The following TMEM131 variants were observed in gnomAD, a reference collection of about 807,000 sequenced individuals.
The protein encoded by TMEM131 is transmembrane protein 131.
Under a neutral mutation model 211.6 loss-of-function variants are expected in TMEM131, and 66 were observed. The observed-to-expected ratio is 0.31, with a 90% CI of 0.26 to 0.38. TMEM131 has a LOEUF of 0.38. Ranked by LOEUF, TMEM131 falls within the 10% of genes least tolerant of loss-of-function variation. The pLI is 1.00. For synonymous variants in TMEM131, 844 were observed against 841.3 expected, an observed-to-expected ratio of 1.00 and a Z score of -0.06; for missense variants, 2,036 against 2,299.3, an observed-to-expected ratio of 0.89 and a Z score of 2.34.
At position 97,815,959 on chromosome 2, in the gene TMEM131, G is replaced by A. The variant is rs146117335; in HGVS notation, c.1184-652C>T. ...AAAACCAGCCAACCCTAAAACTCAT[G>A]GTATAAGAGGAGATAAATCCCCTCC... On this transcript the variant is annotated intron_variant, in intron 12 of 40. Coordinates refer to ENST00000186436, the MANE Select transcript of TMEM131 (RefSeq NM_015348.2). Among the ~76,000 whole-genome samples the A allele has an allele frequency of 6.9e-3, 1,055 of 152,246 alleles. 51 individuals are homozygous for A. The highest frequency in any genetic ancestry group is 0.061 in the Admixed American group (932 of 15,290).
At chr2:97,840,577 G>C (rs1231014244) in intron 7 of TMEM131, among the ~76,000 whole-genome samples, 1 of 152,230 alleles carries the variant, frequency 6.6e-6, no homozygotes, top group Non-Finnish European at 1.5e-5. Context: ...GTGACAGAGT[G>C]AGACCCTGTC....
At chr2:97,836,414 T>C (rs1466682839) in intron 8 of TMEM131, among the ~76,000 whole-genome samples, 1 of 152,208 alleles carries the variant, frequency 6.6e-6, no homozygotes, top group Non-Finnish European at 1.5e-5. Flanking sequence ...GAGCTGGATA[T>C]GGAACTGAAT....
chr2:97,903,671 A>G lies in TMEM131; in HGVS notation c.290+4987T>C, dbSNP rs575989343. 3.9e-5 allele frequency among the ~76,000 whole-genome samples: 6 copies of G among 152,126 alleles called. No individual in the cohort carries two copies. The South Asian group carries it at 8.3e-4, about 21-fold the overall frequency. ...TAATGAGTAAATATCAGAAAACTCT[A>G]GCTGGGTTTGTTTGTTTATTTATTT... On this transcript the variant is annotated intron_variant, in intron 3 of 40. Coordinates refer to ENST00000186436, the MANE Select transcript of TMEM131 (RefSeq NM_015348.2).
intron 25 of TMEM131, among the ~76,000 whole-genome samples, chr2:97,800,481 GGCTCAC>G (rs1270646744): frequency 4.6e-5 from 7 of 152,050 alleles, no homozygotes; most frequent in Non-Finnish European, 7.4e-5. Flanking sequence ...CGGGCACTGT[GGCTCAC>G]GCCTGTAATC....
At chr2:97,939,052 A>G (rs1677587063) in intron 1 of TMEM131, among the ~76,000 whole-genome samples, 1 of 152,228 alleles carries the variant, frequency 6.6e-6, no homozygotes, top group Admixed American at 6.5e-5. Flanking sequence ...AATTTATACC[A>G]CCAAATGCCC....
intron 1 of TMEM131, among the ~76,000 whole-genome samples, chr2:97,970,514 T>C (rs1207528987): frequency 6.6e-6 from 1 of 152,156 alleles, no homozygotes; most frequent in African/African-American, 2.4e-5. Context: ...TTGAGAAAGG[T>C]CCACAAATAA....
In TMEM131 at chr2:97,875,689, A is replaced by G. The variant is rs530546381; in HGVS notation, c.359+12363T>C. 1.3e-4 allele frequency among the ~76,000 whole-genome samples: 20 copies of G among 152,368 alleles called. No homozygotes were observed. In the South Asian group the frequency reaches 4.1e-3, roughly 32 times the overall value. On this transcript the variant is annotated intron_variant, in intron 4 of 40. Coordinates refer to ENST00000186436, the MANE Select transcript of TMEM131 (RefSeq NM_015348.2). ...ACCAATGAGAATGAAGACACAATGT[A>G]CCAGAATCTCTGGGACACATTCAAA...
intron 3 of TMEM131, among the ~76,000 whole-genome samples, chr2:97,890,030 A>T (rs1264794438): frequency 6.6e-6 from 1 of 152,202 alleles, no homozygotes; most frequent in Non-Finnish European, 1.5e-5. Flanking sequence ...TAGGGGAAGA[A>T]AGTAGTAATG....
Position 97,758,886 on chromosome 2 carries a change from T to A in TMEM131, c.5367+7A>T. Reference sequence around the variant, plus strand: ...TCCAGGCCCCAGCCCCAGCCCCAAGTACTCACTGTGGCTGTGTGGGTCGGG... The same window carrying A: ...TCCAGGCCCCAGCCCCAGCCCCAAGAACTCACTGTGGCTGTGTGGGTCGGG... On this transcript the variant is annotated splice_region_variant and intron_variant, in intron 40 of 40. Transcript: ENST00000186436. 6.2e-7 allele frequency: 1 copy of A among 1,606,020 alleles called. No individual in the cohort carries two copies. The highest frequency in any genetic ancestry group is 8.5e-7 in the Non-Finnish European group (1 of 1,175,968).
chr2:97,981,881 A>G (rs1307268923), intron 1 of TMEM131, among the ~76,000 whole-genome samples: 3 of 152,210 alleles, frequency 2.0e-5, no homozygotes, highest in Non-Finnish European at 4.4e-5. Flanking sequence ...ACAAGCATTC[A>G]TAATAATACT....
intron 35 of TMEM131, chr2:97,764,703 T>A (rs1224873583): frequency 6.6e-6 from 1 of 152,400 alleles, no homozygotes; most frequent in African/African-American, 2.4e-5. Flanking sequence ...TGGCCTGCCA[T>A]TTCCCACATT....
chr2:97,766,848 C>A (rs1679191546), intron 33 of TMEM131, among the ~76,000 whole-genome samples: 2 of 152,150 alleles, frequency 1.3e-5, no homozygotes, highest in Admixed American at 1.3e-4. Context: ...TGACAATGAA[C>A]TGAGGTCCAT....
At chr2:97,817,230 G>C (rs1264782943) in intron 12 of TMEM131, among the ~76,000 whole-genome samples, 1 of 148,292 alleles carries the variant, frequency 6.7e-6, no homozygotes, top group Admixed American at 6.7e-5. Context: ...TTGCAGAGCA[G>C]CTCTTCACCC....
intron 10 of TMEM131, 66 bp from the exon 11 acceptor site, chr2:97,833,492 C>A: frequency 1.4e-6 from 1 of 708,802 alleles, no homozygotes; most frequent in Non-Finnish European, 2.4e-6. Flanking sequence ...AGAATCTTTA[C>A]CTTATAAGAT....
intron 1 of TMEM131, among the ~76,000 whole-genome samples, chr2:97,987,742 A>C (rs909348116): frequency 2.6e-5 from 4 of 152,200 alleles, no homozygotes; most frequent in African/African-American, 7.2e-5. Context: ...AAAAAGAATA[A>C]AATACTTAGG....
intron 2 of TMEM131, among the ~76,000 whole-genome samples, chr2:97,922,787 G>A (rs1268486782): frequency 2.0e-5 from 3 of 152,054 alleles, no homozygotes; most frequent in Non-Finnish European, 4.4e-5. Context: ...AACTTTGGAG[G>A]GTAATGGCCT....
chr2:97,773,282 G>A (rs1029378629), intron 32 of TMEM131, among the ~76,000 whole-genome samples: 3 of 152,104 alleles, frequency 2.0e-5, no homozygotes, highest in East Asian at 1.9e-4. Flanking sequence ...ACACATTTAC[G>A]GGTCACCCGC....
At chr2:97,867,534 G>A (rs557189486) in intron 4 of TMEM131, among the ~76,000 whole-genome samples, 1 of 152,306 alleles carries the variant, frequency 6.6e-6, no homozygotes, top group East Asian at 1.9e-4. Flanking sequence ...AGTGGTCACT[G>A]GGGAAGGGGT....
intron 4 of TMEM131, among the ~76,000 whole-genome samples, chr2:97,868,316 CTATA>C (rs1168711845): frequency 6.6e-6 from 1 of 151,974 alleles, no homozygotes; most frequent in Non-Finnish European, 1.5e-5. Flanking sequence ...ATCTATCTAT[CTATA>C]TATAAAATAT....
Sources: allele counts gnomAD v4.1 joint callset (sites outside exome capture counted in the v4.1 genomes callset), GRCh38; gene constraint gnomAD v4.1.1; transcripts MANE v1.5; gene names NCBI Gene and HGNC (gene_info 2026-07-23, HGNC 2026-07-21).